Variants in PCCA observed in about 807,000 individuals in gnomAD.
The protein encoded by PCCA is propionyl-CoA carboxylase alpha chain, mitochondrial.
In PCCA, 74 loss-of-function variants were observed where a neutral mutation model predicts 101.3. The ratio of observed to expected loss-of-function variants is 0.73; its 90% CI spans 0.61 to 0.89. PCCA has a LOEUF of 0.89. Ranked by LOEUF, PCCA falls within the 40% of genes least tolerant of loss-of-function variation. The pLI is 0.00. For missense variants in PCCA, 891 were observed against 907.0 expected (o/e 0.98, Z 0.23); for synonymous variants, 294 against 313.6 (o/e 0.94, Z 0.66).
chr13:100,327,075 A>C (rs531655170), intron 16 of PCCA, among the ~76,000 whole-genome samples: 1 of 152,178 alleles, frequency 6.6e-6, no homozygotes, highest in African/African-American at 2.4e-5. Flanking sequence ...TTATTGAGGT[A>C]TACTTGACAT....
chr13:100,141,117 C>T (rs1307723742), intron 4 of PCCA, among the ~76,000 whole-genome samples: 1 of 152,156 alleles, frequency 6.6e-6, no homozygotes. Flanking sequence ...TTGAGAATCA[C>T]AGACTTCCCA....
chr13:100,297,434 T>A (rs2065643522), intron 12 of PCCA, among the ~76,000 whole-genome samples: 1 of 152,156 alleles, frequency 6.6e-6, no homozygotes, highest in South Asian at 2.1e-4. Context: ...GCCAAGGAGA[T>A]TTAGTTTTCC....
At chr13:100,357,602 A>T (rs567891948) in intron 18 of PCCA, among the ~76,000 whole-genome samples, 3 of 152,370 alleles carry the variant, frequency 2.0e-5, no homozygotes, top group South Asian at 4.1e-4. Context: ...ATTCCTTTCC[A>T]GATAAATAAT....
intron 2 of PCCA, among the ~76,000 whole-genome samples, chr13:100,103,394 C>A (rs2152252803): frequency 6.6e-6 from 1 of 151,690 alleles, no homozygotes; most frequent in South Asian, 2.1e-4. Context: ...TCACTGCAAC[C>A]TACGCCTCTG....
At chr13:100,527,046 C>A (rs963075597) in intron 22 of PCCA, among the ~76,000 whole-genome samples, 1 of 151,418 alleles carries the variant, frequency 6.6e-6, no homozygotes, top group Non-Finnish European at 1.5e-5. Context: ...GCGCCAGGGC[C>A]GAGCTGTTCC....
intron 7 of PCCA, among the ~76,000 whole-genome samples, chr13:100,225,853 C>T (rs1381713127): frequency 2.0e-5 from 3 of 151,948 alleles, no homozygotes; most frequent in Admixed American, 6.6e-5. Flanking sequence ...TGCAGTGGCG[C>T]GATCTTGGCT....
intron 4 of PCCA, 51 bp from the exon 5 acceptor site, chr13:100,154,928 G>T (rs766761982): frequency 3.4e-6 from 4 of 1,161,548 alleles, no homozygotes; most frequent in African/African-American, 1.5e-5. Flanking sequence ...GCAGATGATG[G>T]TAATTCTTTT....
intron 4 of PCCA, among the ~76,000 whole-genome samples, chr13:100,129,636 C>G (rs2050296953): frequency 6.6e-6 from 1 of 152,318 alleles, no homozygotes; most frequent in East Asian, 1.9e-4. Flanking sequence ...GGACACATGG[C>G]AGATTAGTCC....
chr13:100,219,520 C>T (rs1399125680), intron 7 of PCCA, among the ~76,000 whole-genome samples: 1 of 152,024 alleles, frequency 6.6e-6, no homozygotes, highest in African/African-American at 2.4e-5. Context: ...CAAAGGTGAC[C>T]GTTGTGTGCT....
At chr13:100,308,433 A>G (rs1595243450) in intron 15 of PCCA, among the ~76,000 whole-genome samples, 1 of 151,874 alleles carries the variant, frequency 6.6e-6, no homozygotes, top group Admixed American at 6.6e-5. Context: ...CAAGCGATCC[A>G]CCTGCCTTAG....
intron 17 of PCCA, among the ~76,000 whole-genome samples, chr13:100,334,497 G>A (rs939753954): frequency 6.6e-6 from 1 of 152,176 alleles, no homozygotes; most frequent in African/African-American, 2.4e-5. Flanking sequence ...CTAAGGACAG[G>A]TGGTGCTCAG....
At chr13:100,280,324 A>C (rs1401667983) in intron 12 of PCCA, among the ~76,000 whole-genome samples, 1 of 147,816 alleles carries the variant, frequency 6.8e-6, no homozygotes, top group Non-Finnish European at 1.5e-5. Flanking sequence ...TGTAGCCCTG[A>C]TTTTTCCCCC....
At chr13:100,386,299 A>G (rs1448879770) in intron 19 of PCCA, among the ~76,000 whole-genome samples, 1 of 152,250 alleles carries the variant, frequency 6.6e-6, no homozygotes, top group East Asian at 1.9e-4. Flanking sequence ...AGACTGGAAT[A>G]GTTAAATAAA....
intron 21 of PCCA, among the ~76,000 whole-genome samples, chr13:100,507,175 G>C (rs990390679): frequency 6.6e-5 from 10 of 152,170 alleles, no homozygotes; most frequent in Non-Finnish European, 1.2e-4. Context: ...TGATCAAACA[G>C]AATGCACATG....
chr13:100,522,076 AG>A (rs1383378026), intron 22 of PCCA, among the ~76,000 whole-genome samples: 1 of 152,210 alleles, frequency 6.6e-6, no homozygotes, highest in African/African-American at 2.4e-5. Context: ...CTGAACAGGC[AG>A]GAAACAGTTT....
intron 21 of PCCA, among the ~76,000 whole-genome samples, chr13:100,472,354 A>T (rs1177255819): frequency 1.4e-5 from 2 of 140,522 alleles, no homozygotes; most frequent in African/African-American, 5.4e-5. Context: ...GCCTCCATCT[A>T]CTCCCCAGTC....
At chr13:100,333,905 T>A (rs1032098209) in intron 17 of PCCA, among the ~76,000 whole-genome samples, 1 of 152,186 alleles carries the variant, frequency 6.6e-6, no homozygotes, top group Non-Finnish European at 1.5e-5. Flanking sequence ...ATTCAATCAT[T>A]AAAGTCATTC....
chr13:100,409,825 T>TGACATGATCTCAGCTCACTGCAAC (rs1409439992), intron 19 of PCCA, among the ~76,000 whole-genome samples: 8 of 152,150 alleles, frequency 5.3e-5, no homozygotes, highest in Admixed American at 2.0e-4. Flanking sequence ...TGGAGTGCAA[T>TGACATGATCTCAGCTCACTGCAAC]GACATGATCT....
intron 20 of PCCA, among the ~76,000 whole-genome samples, chr13:100,435,652 T>C (rs372662555): frequency 1.1e-3 from 163 of 152,342 alleles, no homozygotes; most frequent in African/African-American, 3.6e-3. Flanking sequence ...TTGCAAGTTA[T>C]CCAGGTTCTT....
Sources: gnomAD v4.1 joint callset for allele counts (sites outside exome capture counted in the v4.1 genomes callset) on GRCh38, gnomAD v4.1.1 for gene constraint, MANE v1.5 for transcripts, NCBI Gene and HGNC (gene_info 2026-07-23, HGNC 2026-07-21) for gene names.